Variants in LDLRAP1 observed in about 807,000 individuals in gnomAD.
LDLRAP1 encodes the protein low density lipoprotein receptor adapter protein 1.
LDLRAP1 carries 30 observed loss-of-function variants against 37.8 expected under a neutral mutation model. The ratio of observed to expected loss-of-function variants is 0.79; its 90% CI spans 0.59 to 1.08. LDLRAP1 has a LOEUF of 1.08. Among genes scored for constraint, LDLRAP1 ranks in the 50% least tolerant of loss-of-function variants. The probability of loss-of-function intolerance (pLI) is 0.00; values close to 1 mark genes in which losing one functional copy is unlikely to be tolerated. For missense variants in LDLRAP1, 375 were observed against 401.6 expected (o/e 0.93, Z 0.57); for synonymous variants, 156 against 169.8 (o/e 0.92, Z 0.63).
the LDLRAP1 span, among the ~76,000 whole-genome samples, chr1:25,587,092 C>T: frequency 6.6e-6 from 1 of 152,190 alleles, no homozygotes; most frequent in African/African-American, 2.4e-5. Context: ...ATCCTGGCCC[C>T]TAACTAAACC....
chr1:25,570,637 A>G (rs1395629133), downstream of LDLRAP1, among the ~76,000 whole-genome samples: 1 of 152,146 alleles, frequency 6.6e-6, no homozygotes, highest in Admixed American at 6.5e-5. Flanking sequence ...AGGCAGGCGG[A>G]TCACGAGGTC....
intron 1 of LDLRAP1, among the ~76,000 whole-genome samples, chr1:25,545,714 C>T (rs1572018342): frequency 6.6e-6 from 1 of 152,200 alleles, no homozygotes; most frequent in Non-Finnish European, 1.5e-5. Context: ...CCGAGCCCCA[C>T]CTGTCCCTCG....
At position 25,561,396 on chromosome 1, in the gene LDLRAP1, G is replaced by A. The variant is rs148632901; in HGVS notation, c.460-1248G>A. Among the ~76,000 whole-genome samples the A allele has an allele frequency of 3.7e-4, 56 of 152,270 alleles. 1 individual carries two copies. The East Asian group carries it at 9.6e-3, about 26-fold the overall frequency. On this transcript the variant is annotated intron_variant, in intron 4 of 8. Coordinates refer to ENST00000374338, the MANE Select transcript of LDLRAP1 (RefSeq NM_015627.3). Reference sequence around the variant, plus strand: ...TACTTTCGTGAAGTGTAATTGGCACGGATCAGTCAGTTTGTTTAGGAATTT... The same window carrying A: ...TACTTTCGTGAAGTGTAATTGGCACAGATCAGTCAGTTTGTTTAGGAATTT...
the LDLRAP1 span, among the ~76,000 whole-genome samples, chr1:25,577,459 G>A: frequency 6.6e-6 from 1 of 152,178 alleles, no homozygotes; most frequent in Non-Finnish European, 1.5e-5. Flanking sequence ...AGGAACTCGA[G>A]GTTCATGCAG....
the LDLRAP1 span, among the ~76,000 whole-genome samples, chr1:25,574,429 G>A: frequency 6.6e-6 from 1 of 152,222 alleles, no homozygotes; most frequent in Non-Finnish European, 1.5e-5. Context: ...TTGCAAGCGG[G>A]CAGATGGAAG....
At chr1:25,561,377 C>T (rs570007358) in intron 4 of LDLRAP1, among the ~76,000 whole-genome samples, 57 of 152,266 alleles carry the variant, frequency 3.7e-4, no homozygotes, top group Non-Finnish European at 8.1e-4. Context: ...TTTATACTTT[C>T]GTGAAGTGTA....
At chr1:25,571,704 A>G (rs111750808), downstream of LDLRAP1, among the ~76,000 whole-genome samples, 60 of 152,318 alleles carry the variant, frequency 3.9e-4, 1 homozygote, top group Middle Eastern at 3.4e-3. Context: ...GTCACTTGGG[A>G]CATTGGCAAA....
At position 25,555,051 on chromosome 1, in the gene LDLRAP1, T is replaced by C. The variant is rs762016878; in HGVS notation, c.344+79T>C. ...GAGTATCCCATCTGAATCCAGGCTC[T>C]ACCACTTCCTACCTGGGTGACATTG... On this transcript the variant is annotated intron_variant, in intron 3 of 8. Coordinates refer to ENST00000374338, the MANE Select transcript of LDLRAP1 (RefSeq NM_015627.3). This position sits in a 1 kb window ranked among gnomAD's most constrained non-coding sequence, Gnocchi z 4.7. 2.5e-5 allele frequency: 24 copies of C among 977,202 alleles called. No individual in the cohort carries two copies. The highest frequency in any genetic ancestry group is 3.9e-5 in the Non-Finnish European group (24 of 611,888). 60.5% of individuals were successfully genotyped at this position (977,202 alleles called of 1,614,324 possible). A position where few individuals can be genotyped will look rare whatever the true frequency, so the allele number is the denominator to read the frequency against.
chr1:25,564,121 C>G (rs997517237), intron 7 of LDLRAP1: 3 of 375,278 alleles, frequency 8.0e-6, no homozygotes, highest in African/African-American at 6.3e-5. Flanking sequence ...TACCACCCCT[C>G]CCCCTCAGCC....
At chr1:25,588,979 C>T in the LDLRAP1 span, among the ~76,000 whole-genome samples, 20 of 152,310 alleles carry the variant, frequency 1.3e-4, no homozygotes, top group African/African-American at 4.8e-4. Context: ...TCCACTTCTG[C>T]ATCTGCAAGA....
chr1:25,570,141 T>C (rs1302745805), downstream of LDLRAP1, among the ~76,000 whole-genome samples: 1 of 152,218 alleles, frequency 6.6e-6, no homozygotes, highest in Non-Finnish European at 1.5e-5. Flanking sequence ...AGCATCAGGC[T>C]GACTCCCTGT....
At chr1:25,553,050 A>G (rs757075075) in intron 1 of LDLRAP1, among the ~76,000 whole-genome samples, 5 of 150,092 alleles carry the variant, frequency 3.3e-5, no homozygotes. Context: ...ACCCACCCTT[A>G]CCCTTCCCTG....
At chr1:25,550,981 A>C (rs1366633598) in intron 1 of LDLRAP1, among the ~76,000 whole-genome samples, 1 of 152,144 alleles carries the variant, frequency 6.6e-6, no homozygotes, top group Non-Finnish European at 1.5e-5. Flanking sequence ...GCTGAACCAG[A>C]GGAAATGGGA....
At position 25,565,049 on chromosome 1, in the gene LDLRAP1, C is replaced by T. The variant is rs113373071; in HGVS notation, c.748-124C>T. Reference sequence around the variant, plus strand: ...AGGAGGCCTGCCTGAGGCCGTGCCTCCAGGCGCCCACCCTGAGCTTGTGTC... The same window carrying T: ...AGGAGGCCTGCCTGAGGCCGTGCCTTCAGGCGCCCACCCTGAGCTTGTGTC... On this transcript the variant is annotated intron_variant, in intron 7 of 8. Coordinates refer to ENST00000374338, the MANE Select transcript of LDLRAP1 (RefSeq NM_015627.3). 2.5e-3 allele frequency: 2,592 copies of T among 1,055,426 alleles called. 33 individuals carry two copies. The African/African-American group carries it at 0.029, about 12-fold the overall frequency. The allele number at this position is 1,055,426 out of a possible 1,614,324, so 65.4% of individuals were successfully genotyped here. A position where few individuals can be genotyped will look rare whatever the true frequency, so the allele number is the denominator to read the frequency against.
At chr1:25,585,361 T>G in the LDLRAP1 span, among the ~76,000 whole-genome samples, 1 of 151,582 alleles carries the variant, frequency 6.6e-6, no homozygotes, top group East Asian at 1.9e-4. Context: ...AGTCTCACTC[T>G]GTCGCCCAGG....
intron 1 of LDLRAP1, among the ~76,000 whole-genome samples, chr1:25,549,554 C>T (rs1323191943): frequency 6.6e-6 from 1 of 152,260 alleles, no homozygotes; most frequent in African/African-American, 2.4e-5. Context: ...CCCCAGCTAA[C>T]TCCAGCAGCA....
At chr1:25,565,614 G>A (rs748809117) in intron 8 of LDLRAP1, among the ~76,000 whole-genome samples, 1 of 152,026 alleles carries the variant, frequency 6.6e-6, no homozygotes, top group Non-Finnish European at 1.5e-5. Flanking sequence ...GGGAGAAAGT[G>A]TTTAATGAAG....
chr1:25,551,881 C>T (rs532178104), intron 1 of LDLRAP1, among the ~76,000 whole-genome samples: 2 of 152,222 alleles, frequency 1.3e-5, no homozygotes, highest in Non-Finnish European at 1.5e-5. Context: ...GTATTGAGCG[C>T]TACCTGCATG....
chr1:25,559,348 G>C (rs191521288), intron 4 of LDLRAP1, among the ~76,000 whole-genome samples: 96 of 152,224 alleles, frequency 6.3e-4, no homozygotes, highest in African/African-American at 2.1e-3. Flanking sequence ...AGAGGTGCAG[G>C]CCCAGCTCTT....
Sources: allele counts gnomAD v4.1 joint callset (sites outside exome capture counted in the v4.1 genomes callset), GRCh38; gene constraint gnomAD v4.1.1; non-coding constraint Gnocchi (gnomAD v3.1); transcripts MANE v1.5; gene names NCBI Gene and HGNC (gene_info 2026-07-23, HGNC 2026-07-21).